IMMP2L: variants seen among roughly 807,000 people sequenced by gnomAD.
IMMP2L encodes mitochondrial inner membrane protease subunit 2.
IMMP2L carries 18 observed loss-of-function variants against 19.3 expected under a neutral mutation model. The observed-to-expected ratio is 0.93, with a 90% confidence interval of 0.64 to 1.38. The LOEUF (loss-of-function observed/expected upper bound fraction) is 1.38. IMMP2L is among the 40% of genes most tolerant of loss of function. IMMP2L has a pLI of 0.00. For missense variants in IMMP2L, 233 were observed against 218.2 expected (o/e 1.07, Z -0.43); for synonymous variants, 76 against 73.0 (o/e 1.04, Z -0.21).
intron 3 of IMMP2L, among the ~76,000 whole-genome samples, chr7:111,248,721 G>A (rs1190956851): frequency 1.0e-4 from 1 of 9,948 alleles, no homozygotes; most frequent in African/African-American, 8.8e-4. Flanking sequence ...CTTTCTGGTT[G>A]TTAGTTTTCC....
intron 3 of IMMP2L, among the ~76,000 whole-genome samples, chr7:111,368,861 C>T (rs1454110387): frequency 1.3e-5 from 2 of 151,928 alleles, no homozygotes; most frequent in African/African-American, 2.4e-5. Context: ...GAGCTAAAAT[C>T]TAGTCCAGGC....
rs544396330 is a variant in IMMP2L at position 110,849,565 on chromosome 7, T to C, written c.408+37028A>G. ...TAATGAACATACGATAAAATGTTCATTGTCCTTGTAATCAAAGCAAAATGT... is the reference window on the plus strand; with the variant it reads ...TAATGAACATACGATAAAATGTTCACTGTCCTTGTAATCAAAGCAAAATGT... On this transcript the variant is annotated intron_variant, in intron 5 of 5. Transcript: ENST00000405709. Among the ~76,000 whole-genome samples, 3 of 152,184 alleles carry C rather than the reference T, an allele frequency of 2.0e-5. No individual in the cohort carries two copies. The South Asian group carries it at 6.2e-4, about 32-fold the overall frequency.
chr7:110,834,189 C>G (rs575222062), intron 5 of IMMP2L, among the ~76,000 whole-genome samples: 1 of 152,100 alleles, frequency 6.6e-6, no homozygotes, highest in East Asian at 1.9e-4. Context: ...AATAATAAAT[C>G]TTAAATGTAG....
intron 3 of IMMP2L, among the ~76,000 whole-genome samples, chr7:111,005,352 C>T (rs1051510709): frequency 1.3e-5 from 2 of 152,136 alleles, no homozygotes; most frequent in African/African-American, 4.8e-5. Context: ...CATACATCTC[C>T]TATTGTTACA....
intron 3 of IMMP2L, among the ~76,000 whole-genome samples, chr7:111,009,971 T>A (rs1237140564): frequency 6.6e-6 from 1 of 152,082 alleles, no homozygotes; most frequent in South Asian, 2.1e-4. Context: ...AGAAACAAAC[T>A]CTCCGTGTCA....
At chr7:111,264,370 G>C (rs1245130632) in intron 3 of IMMP2L, among the ~76,000 whole-genome samples, 1 of 152,086 alleles carries the variant, frequency 6.6e-6, no homozygotes, top group African/African-American at 2.4e-5. Context: ...CAAATCCTCT[G>C]GGTACAGAAG....
At chr7:111,535,989 C>T (rs1032735132) in intron 1 of IMMP2L, among the ~76,000 whole-genome samples, 1 of 152,056 alleles carries the variant, frequency 6.6e-6, no homozygotes, top group African/African-American at 2.4e-5. Flanking sequence ...GAAACATTTT[C>T]TTTGGCCACT....
chr7:111,269,021 A>G (rs551501110), intron 3 of IMMP2L, among the ~76,000 whole-genome samples: 113 of 152,242 alleles, frequency 7.4e-4, no homozygotes, highest in South Asian at 3.3e-3. Context: ...GTTACTGCAT[A>G]GGGCACAAAA....
intron 3 of IMMP2L, among the ~76,000 whole-genome samples, chr7:111,349,970 CTTT>C (rs11325040): frequency 1.4e-5 from 2 of 143,030 alleles, no homozygotes; most frequent in Non-Finnish European, 1.5e-5. Flanking sequence ...AAAGATGGTC[CTTT>C]TTTTTTTTTT....
At chr7:111,431,580 G>A (rs1481448383) in intron 3 of IMMP2L, among the ~76,000 whole-genome samples, 1 of 151,754 alleles carries the variant, frequency 6.6e-6, no homozygotes, top group South Asian at 2.1e-4. Flanking sequence ...TAATATTTGG[G>A]TGGATAGGTC....
At chr7:111,442,042 CA>C (rs1298238359) in intron 3 of IMMP2L, among the ~76,000 whole-genome samples, 8 of 151,684 alleles carry the variant, frequency 5.3e-5, no homozygotes, top group African/African-American at 1.9e-4. Context: ...GAGGCTGAGG[CA>C]AGAGAATCGC....
chr7:111,026,304 T>C (rs1488543905), intron 3 of IMMP2L, among the ~76,000 whole-genome samples: 1 of 152,128 alleles, frequency 6.6e-6, no homozygotes, highest in Non-Finnish European at 1.5e-5. Flanking sequence ...ATGATATCTT[T>C]TTGCTCCCTA....
intron 4 of IMMP2L, among the ~76,000 whole-genome samples, chr7:110,961,278 T>G (rs1307093428): frequency 6.6e-6 from 1 of 151,908 alleles, no homozygotes; most frequent in East Asian, 1.9e-4. Flanking sequence ...TCAAGTTCTT[T>G]ACATAAAATG....
At chr7:110,934,192 T>C (rs1006244882) in intron 4 of IMMP2L, among the ~76,000 whole-genome samples, 1 of 152,234 alleles carries the variant, frequency 6.6e-6, no homozygotes, top group African/African-American at 2.4e-5. Context: ...GATTGTACTG[T>C]GGTCTGAGAG....
At chr7:111,313,003 G>A (rs190200136) in intron 3 of IMMP2L, among the ~76,000 whole-genome samples, 1 of 152,186 alleles carries the variant, frequency 6.6e-6, no homozygotes, top group African/African-American at 2.4e-5. Context: ...CCAAAGTGAG[G>A]GTGCTACCCC....
chr7:111,486,762 G>T (rs1447124194), intron 3 of IMMP2L, among the ~76,000 whole-genome samples: 1 of 152,100 alleles, frequency 6.6e-6, no homozygotes, highest in Admixed American at 6.5e-5. Context: ...CCACCTTTTG[G>T]ACCCAAACAG....
chr7:111,196,765 TTTG>T (rs1415233005), intron 3 of IMMP2L, among the ~76,000 whole-genome samples: 1 of 152,148 alleles, frequency 6.6e-6, no homozygotes, highest in African/African-American at 2.4e-5. Flanking sequence ...TCACTGCACG[TTTG>T]TTGTTTATAT....
intron 3 of IMMP2L, among the ~76,000 whole-genome samples, chr7:111,346,079 T>G (rs181026511): frequency 1.3e-4 from 20 of 152,306 alleles, no homozygotes; most frequent in Non-Finnish European, 2.2e-4. Context: ...CTAAATATGT[T>G]GTCATTGCTA....
intron 3 of IMMP2L, among the ~76,000 whole-genome samples, chr7:111,206,372 A>G (rs2129617527): frequency 6.6e-6 from 1 of 152,320 alleles, no homozygotes; most frequent in Middle Eastern, 3.4e-3. Context: ...CAGAATTGCT[A>G]AGCAATTTTC....
Sources: allele counts gnomAD v4.1 joint callset (sites outside exome capture counted in the v4.1 genomes callset), GRCh38; gene constraint gnomAD v4.1.1; transcripts MANE v1.5; gene names NCBI Gene and HGNC (gene_info 2026-07-23, HGNC 2026-07-21).